SLC25A13: variants seen among roughly 807,000 people sequenced by gnomAD.
The protein encoded by SLC25A13 is electrogenic aspartate/glutamate antiporter SLC25A13, mitochondrial.
In SLC25A13, 70 loss-of-function variants were observed where a neutral mutation model predicts 85.5. That is an observed-to-expected ratio of 0.82 (90% CI 0.68 to 1.00). The LOEUF is 1.00. Among genes scored for constraint, SLC25A13 ranks in the 50% least tolerant of loss-of-function variants. SLC25A13 has a pLI of 0.00. For synonymous variants in SLC25A13, 259 were observed against 288.7 expected, an observed-to-expected ratio of 0.90 and a Z score of 1.04; for missense variants, 765 against 819.8, an observed-to-expected ratio of 0.93 and a Z score of 0.82.
chr7:96,277,101 G>A (rs1023143297), intron 3 of SLC25A13, 95 bp downstream of exon 3: 12 of 1,246,046 alleles, frequency 9.6e-6, no homozygotes, highest in Non-Finnish European at 1.3e-5. Context: ...CTAAGAGATG[G>A]GAAGGTATAC....
chr7:96,296,147 T>C (rs769731023), intron 2 of SLC25A13, among the ~76,000 whole-genome samples: 38 of 152,046 alleles, frequency 2.5e-4, no homozygotes, highest in Middle Eastern at 3.4e-3. Flanking sequence ...CCTCTCAGGA[T>C]ACCGCAGTCA....
At chr7:96,309,636 T>C (rs1056966518) in intron 1 of SLC25A13, 1 of 152,208 alleles carries the variant, frequency 6.6e-6, no homozygotes, top group Non-Finnish European at 1.5e-5. Context: ...TATGCAACAG[T>C]TACTCTGAGG....
rs1052125411 is a variant in SLC25A13 at position 96,168,712 on chromosome 7, T to C, written c.1311+1333A>G. Among the ~76,000 whole-genome samples the C allele has an allele frequency of 9.2e-5, 14 of 152,162 alleles. No individual in the cohort carries two copies. The South Asian group carries it at 2.9e-3, about 32-fold the overall frequency. On this transcript the variant is annotated intron_variant, in intron 13 of 17. Transcript: ENST00000265631. ...ATTCTTACAGAAATCTATAATCATA[T>C]CTTTTCAGAAAGTTTAAAATGTAAC...
At position 96,184,298 on chromosome 7, in the gene SLC25A13, C is replaced by T. The variant is rs761550839; in HGVS notation, c.1156G>A (p.Gly386Ser). ...DCFKKVLRYEGFFGLYRGLLP... is the reference protein window; with the variant it reads ...DCFKKVLRYESFFGLYRGLLP... ...TAACCTCTATACAGTCCAAAGAAGCCTTCATAGCGTAGCACTTTCTTAAAA... is the reference window on the plus strand; with the variant it reads ...TAACCTCTATACAGTCCAAAGAAGCTTTCATAGCGTAGCACTTTCTTAAAA... Residue 386 changes from glycine (G) to serine (S), a missense_variant, in exon 11 of 18, where the codon GGC (glycine) becomes AGC (serine). Gly to Ser is a moderately conservative substitution (Grantham distance 56). Transcript: ENST00000265631. 5.0e-6 allele frequency: 8 copies of T among 1,614,018 alleles called. No homozygotes were observed. The East Asian group carries it at 1.8e-4, about 36-fold the overall frequency.
intron 6 of SLC25A13, 60 bp downstream of exon 6, chr7:96,192,977 G>T: frequency 6.4e-7 from 1 of 1,559,898 alleles, no homozygotes; most frequent in East Asian, 2.2e-5. Context: ...TATAAGAATT[G>T]TTTTTATAAT....
intron 3 of SLC25A13, among the ~76,000 whole-genome samples, chr7:96,253,222 C>A (rs1797503112): frequency 6.6e-6 from 1 of 152,046 alleles, no homozygotes; most frequent in African/African-American, 2.4e-5. Context: ...AGGAGTTTTT[C>A]TTCACATGGA....
chr7:96,155,000 A>C (rs1793204736), intron 13 of SLC25A13, among the ~76,000 whole-genome samples: 1 of 152,048 alleles, frequency 6.6e-6, no homozygotes, highest in Non-Finnish European at 1.5e-5. Flanking sequence ...AGGCTTCGCC[A>C]TGTTGCCCAG....
chr7:96,208,653 C>T (rs984746618), intron 5 of SLC25A13, among the ~76,000 whole-genome samples, 185 bp downstream of exon 5: 5 of 151,952 alleles, frequency 3.3e-5, no homozygotes, highest in Admixed American at 2.0e-4. Context: ...CCACAGGCGC[C>T]GGCCACCACG....
intron 12 of SLC25A13, 98 bp from the exon 13 acceptor site, chr7:96,170,223 T>C: frequency 9.3e-7 from 1 of 1,077,174 alleles, no homozygotes; most frequent in Non-Finnish European, 1.4e-6. Flanking sequence ...TTTTTTTCTA[T>C]CAGTCTATTG....
intron 15 of SLC25A13, 81 bp from the exon 16 acceptor site, chr7:96,122,078 T>C (rs1791537152): frequency 3.8e-6 from 6 of 1,580,202 alleles, no homozygotes; most frequent in Non-Finnish European, 5.2e-6. Context: ...CTGCTGGCCG[T>C]GGAAAGAAAG....
chr7:96,239,016 T>TGAC (rs1554362954), intron 3 of SLC25A13, among the ~76,000 whole-genome samples: 4 of 139,484 alleles, frequency 2.9e-5, no homozygotes, highest in African/African-American at 1.1e-4. Flanking sequence ...ATAATATATA[T>TGAC]TATATATATG....
At chr7:96,223,008 A>G (rs974344593) in intron 4 of SLC25A13, among the ~76,000 whole-genome samples, 1 of 152,202 alleles carries the variant, frequency 6.6e-6, no homozygotes, top group African/African-American at 2.4e-5. Context: ...CTGCCCCTCT[A>G]TAAAAAGCAG....
chr7:96,241,104 A>AAGAAAGAAAGAAAGGC (rs1222929673), intron 3 of SLC25A13, among the ~76,000 whole-genome samples: 3 of 145,516 alleles, frequency 2.1e-5, no homozygotes, highest in African/African-American at 7.7e-5. Flanking sequence ...GAAAGAAAGA[A>AAGAAAGAAAGAAAGGC]AGGCACTTTA....
At chr7:96,287,403 A>T (rs1375953572) in intron 2 of SLC25A13, among the ~76,000 whole-genome samples, 3 of 152,146 alleles carry the variant, frequency 2.0e-5, no homozygotes, top group Non-Finnish European at 4.4e-5. Context: ...AGCCACCCCA[A>T]GGGAAGAGAG....
intron 3 of SLC25A13, among the ~76,000 whole-genome samples, chr7:96,252,821 C>T (rs915892118): frequency 1.6e-4 from 25 of 152,204 alleles, no homozygotes; most frequent in South Asian, 4.1e-4. Flanking sequence ...AGGCTGGGCA[C>T]GGTGGGTCAC....
chr7:96,173,512 T>C (rs1054113682), intron 11 of SLC25A13, among the ~76,000 whole-genome samples: 6 of 152,242 alleles, frequency 3.9e-5, no homozygotes, highest in Non-Finnish European at 5.9e-5. Context: ...GCTGCATTTG[T>C]TCACTTATAT....
intron 3 of SLC25A13, among the ~76,000 whole-genome samples, chr7:96,252,055 A>C (rs1406260914): frequency 1.3e-5 from 2 of 152,222 alleles, no homozygotes; most frequent in Admixed American, 6.5e-5. Flanking sequence ...ATGAAACAAG[A>C]CCAAAAACAG....
At chr7:96,225,666 C>G (rs879725039) in intron 4 of SLC25A13, among the ~76,000 whole-genome samples, 1 of 152,074 alleles carries the variant, frequency 6.6e-6, no homozygotes, top group African/African-American at 2.4e-5. Flanking sequence ...AAGTGGCCAT[C>G]ACTTCCAGAC....
intron 11 of SLC25A13, among the ~76,000 whole-genome samples, chr7:96,180,338 A>C (rs6975157): frequency 0.51 from 77,970 of 151,972 alleles, 21,120 homozygotes; most frequent in African/African-American, 0.69. Flanking sequence ...CCTGATTTCT[A>C]TCTCTTTTTT....
Sources: gnomAD v4.1 joint callset for allele counts (sites outside exome capture counted in the v4.1 genomes callset) on GRCh38, gnomAD v4.1.1 for gene constraint, MANE v1.5 for transcripts, NCBI Gene and HGNC (gene_info 2026-07-23, HGNC 2026-07-21) for gene names.